Variants in WDR38 observed in about 807,000 individuals in gnomAD.
WDR38 encodes WD repeat-containing protein 38.
Under a neutral mutation model 36.6 loss-of-function variants are expected in WDR38, and 37 were observed. The observed-to-expected ratio is 1.01, with a 90% CI of 0.78 to 1.33. The LOEUF (loss-of-function observed/expected upper bound fraction) is 1.33, where lower values mean the gene tolerates loss of function less well. WDR38 is among the 40% of genes most tolerant of loss of function. WDR38 has a pLI of 0.00. For synonymous variants in WDR38, 164 were observed against 168.1 expected (o/e 0.98, Z 0.19); for missense variants, 411 against 414.6 (o/e 0.99, Z 0.07).
chr9:124,856,815 C>G lies in WDR38; in HGVS notation c.702C>G (p.Thr234=). The G allele has an allele frequency of 6.2e-7, 1 of 1,614,246 alleles. No individual in the cohort carries two copies. The highest frequency in any genetic ancestry group is 8.5e-7 in the Non-Finnish European group (1 of 1,180,046). ...TTATCCAACTGAAGGGCCATGTCACCTGGGTGAAGAGCATAGCCTTCTCTC... is the reference window on the plus strand; with the variant it reads ...TTATCCAACTGAAGGGCCATGTCACGTGGGTGAAGAGCATAGCCTTCTCTC... The part of the protein sequence containing the change: ...SLLIQLKGHV[T]WVKSIAFSPD... Residue 234 remains threonine, a synonymous_variant, in exon 7 of 9, where the codon ACC becomes ACG. Transcript: ENST00000373574.
intron 7 of WDR38, 76 bp downstream of exon 7, chr9:124,856,957 A>T: frequency 1.9e-6 from 3 of 1,592,360 alleles, no homozygotes; most frequent in Non-Finnish European, 2.6e-6. Context: ...TCACTCCAGA[A>T]ATGCCCACAT....
At position 124,855,637 on chromosome 9, in the gene WDR38, C is replaced by T. The variant is rs1471040412; in HGVS notation, c.194C>T (p.Pro65Leu). ...CTGACTGTGGCCACCCGCCCAGGCC[C>T]CGTGAAGTTCTGCCGCTTCTCCCCT... Reference protein sequence around the residue: ...LLWRLGGHTGPVKFCRFSPDG... With the variant: ...LLWRLGGHTGLVKFCRFSPDG... Residue 65 changes from proline to leucine, a missense_variant, in exon 3 of 9, where the codon CCC (proline) becomes CTC (leucine). Pro to Leu is a moderately conservative substitution (Grantham distance 98, BLOSUM62 -3). Coordinates refer to ENST00000373574, the MANE Select transcript of WDR38 (RefSeq NM_001045476.3). The T allele has an allele frequency of 6.2e-6, 10 of 1,609,432 alleles. No individual in the cohort carries two copies. Among genetic ancestry groups the T allele is most frequent in the East Asian group, 4.5e-5 (2 of 44,904 alleles).
intron 4 of WDR38, 62 bp downstream of exon 4, chr9:124,856,020 A>C: frequency 6.2e-7 from 1 of 1,601,762 alleles, no homozygotes; most frequent in Non-Finnish European, 8.5e-7. Flanking sequence ...AGAGGATGTC[A>C]CCAGTCTTGC....
Position 124,853,565 on chromosome 9 carries a change from C to G in WDR38, c.34C>G (p.Arg12Gly). The part of the protein sequence containing the change: ...NSGVPATLAV[R>G]RVKFFGQHGG... Reference sequence around the variant, plus strand: ...CGGGGTCCCGGCCACGCTGGCCGTGCGGAGAGTGAAATTCTTCGGCCAGCA... The same window carrying G: ...CGGGGTCCCGGCCACGCTGGCCGTGGGGAGAGTGAAATTCTTCGGCCAGCA... The change falls in exon 1 of 9, where the codon CGG becomes GGG. Residue 12 changes from arginine to glycine, a missense_variant. Coordinates refer to ENST00000373574, the MANE Select transcript of WDR38 (RefSeq NM_001045476.3). The G allele has an allele frequency of 1.6e-6, 2 of 1,258,334 alleles. No individual in the cohort carries two copies. The highest frequency in any genetic ancestry group is 2.0e-6 in the Non-Finnish European group (2 of 994,052). The allele number at this position is 1,258,334 out of a possible 1,614,324, so 77.9% of individuals were successfully genotyped here.
intron 2 of WDR38, among the ~76,000 whole-genome samples, chr9:124,855,286 G>C (rs1829018016): frequency 6.6e-6 from 1 of 152,158 alleles, no homozygotes; most frequent in Non-Finnish European, 1.5e-5. Flanking sequence ...CAGGAGACAA[G>C]AAAAAATATC....
intron 2 of WDR38, among the ~76,000 whole-genome samples, chr9:124,855,387 T>C (rs1480503215): frequency 6.6e-6 from 1 of 152,156 alleles, no homozygotes; most frequent in African/African-American, 2.4e-5. Context: ...CAGCGGTTGT[T>C]AGGGCAAGTT....
chr9:124,856,612 G>A lies in WDR38; in HGVS notation c.618+12G>A. 1.2e-6 allele frequency: 2 copies of A among 1,613,618 alleles called. No individual in the cohort carries two copies. Among genetic ancestry groups the A allele is most frequent in the Admixed American group, 1.7e-5 (1 of 60,004 alleles). ...CATCCGGCCTCCTGGTAAGTGGGGT[G>A]TCCTGGGTTCCAGGCTGGTCCCTTG... On this transcript the variant is annotated intron_variant, in intron 6 of 8. Coordinates refer to ENST00000373574, the MANE Select transcript of WDR38 (RefSeq NM_001045476.3).
chr9:124,857,574 C>T lies in WDR38; in HGVS notation c.889C>T (p.Gln297Ter). The change falls in exon 9 of 9, where the codon CAG (glutamine) becomes TAG (stop). Residue 297 changes from glutamine (Q) to a stop codon, truncating the protein, a stop_gained. Coordinates refer to ENST00000373574, the MANE Select transcript of WDR38 (RefSeq NM_001045476.3). LOFTEE classifies it low-confidence loss of function (END_TRUNC). ...AATCTTAGTGTCTGGAGCTGCCGAT[C>T]AGACTAGACGTCAAATATCCCGCAC... The part of the protein sequence containing the change: ...GKILVSGAAD[Q>*]TRRQISRTSK... 1 of 1,614,222 alleles carries T rather than the reference C, an allele frequency of 6.2e-7. No individual in the cohort carries two copies. The highest frequency in any genetic ancestry group is 8.5e-7 in the Non-Finnish European group (1 of 1,180,042).
rs1385385540 is a variant in WDR38, at chr9:124,856,144, C to A, written c.406-96C>A. 3.8e-6 allele frequency: 6 copies of A among 1,580,334 alleles called. No individual in the cohort carries two copies. The African/African-American group carries it at 6.7e-5, about 18-fold the overall frequency. The stretch of plus-strand genomic sequence containing the variant: ...CCAGGCTTCCTTGCACACAGCAGCC[C>A]TCAGGCTTTTTGCACGAGGTCCCCC... On this transcript the variant is annotated intron_variant, in intron 4 of 8. Transcript: ENST00000373574.
chr9:124,857,353 T>C lies in WDR38; in HGVS notation c.769-11T>C, dbSNP rs1469726467. The C allele has an allele frequency of 1.3e-6, 2 of 1,567,630 alleles. No homozygotes were observed. The highest frequency in any genetic ancestry group is 2.2e-5 in the East Asian group (1 of 44,472). On this transcript the variant is annotated splice_polypyrimidine_tract_variant and intron_variant, in intron 7 of 8. Transcript: ENST00000373574. ...GGTGAGGCTTCCTGACATGCCCCCC[T>C]CCTTTTCCAGGTCAAAGTCTGGGAC... is the stretch of plus-strand genomic sequence containing the variant.
chr9:124,856,142 C>A, intron 4 of WDR38, 98 bp from the exon 5 acceptor site: 2 of 1,570,344 alleles, frequency 1.3e-6, no homozygotes, highest in Admixed American at 1.7e-5. Flanking sequence ...CACACAGCAG[C>A]CCTCAGGCTT....
rs1204215503 is a variant in WDR38 at position 124,855,857 on chromosome 9, G to A, written c.308-4G>A. 1.2e-6 allele frequency: 2 copies of A among 1,614,130 alleles called. No homozygotes were observed. The highest frequency in any genetic ancestry group is 1.1e-5 in the South Asian group (1 of 91,090). ...CTTCCCCGACCCCGGGCTGGTGCCT[G>A]CAGGTCACCAACGGAGTGTGGAGAC... On this transcript the variant is annotated splice_polypyrimidine_tract_variant and splice_region_variant and intron_variant, in intron 3 of 8. Coordinates refer to ENST00000373574, the MANE Select transcript of WDR38 (RefSeq NM_001045476.3).
intron 7 of WDR38, 97 bp from the exon 8 acceptor site, chr9:124,857,267 G>C (rs1161528644): frequency 6.6e-7 from 1 of 1,503,856 alleles, no homozygotes; most frequent in Non-Finnish European, 9.2e-7. Flanking sequence ...TTCAGGCGAA[G>C]ACTCATCTCA....
In WDR38 at chr9:124,857,388, G is replaced by GA. The variant is rs770274642; in HGVS notation, c.793_794insA (p.Gly265GlufsTer5). ...GGTCAAAGTCTGGGACTGCAACACAGGAAAGTGCCTTGAGACCCTGAAGGT... is the reference window on the plus strand; with the variant it reads ...GGTCAAAGTCTGGGACTGCAACACAGAGAAAGTGCCTTGAGACCCTGAAGGT... On this transcript the variant is annotated frameshift_variant, in exon 8 of 9. Coordinates refer to ENST00000373574, the MANE Select transcript of WDR38 (RefSeq NM_001045476.3). LOFTEE classifies it low-confidence loss of function (END_TRUNC). 3.1e-6 allele frequency: 5 copies of GA among 1,614,118 alleles called. No individual in the cohort carries two copies. The highest frequency in any genetic ancestry group is 4.2e-6 in the Non-Finnish European group (5 of 1,180,014).
Position 124,857,638 on chromosome 9 carries a change from C to T in WDR38, c.*8C>T. 1 of 1,613,834 alleles carries T rather than the reference C, an allele frequency of 6.2e-7. No individual in the cohort carries two copies. Among genetic ancestry groups the T allele is most frequent in the Non-Finnish European group, 8.5e-7 (1 of 1,180,002 alleles). On this transcript the variant is annotated 3_prime_UTR_variant, in exon 9 of 9. Transcript: ENST00000373574. ...AGGGACCCTCAAACCTAACACCAAC[C>T]ACCTTAGATGGTGCCGACCTCACCC...
Position 124,857,795 on chromosome 9 carries a change from G to A in WDR38, c.*165G>A. On this transcript the variant is annotated 3_prime_UTR_variant, in exon 9 of 9. Transcript: ENST00000373574. The stretch of plus-strand genomic sequence containing the variant: ...AGCAGACAACTGTGGTGGGCAGGAC[G>A]CTTGCTGGAACCCATCAGACACCTG... The A allele has an allele frequency of 5.3e-6, 8 of 1,507,784 alleles. No individual in the cohort carries two copies. The highest frequency in any genetic ancestry group is 1.4e-5 in the African/African-American group (1 of 72,812). The allele number at this position is 1,507,784 out of a possible 1,614,324, so 93.4% of individuals were successfully genotyped here. A position where few individuals can be genotyped will look rare whatever the true frequency, so the allele number is the denominator to read the frequency against.
chr9:124,854,689 G>A (rs899238739), intron 2 of WDR38, among the ~76,000 whole-genome samples: 86 of 152,128 alleles, frequency 5.7e-4, no homozygotes, highest in East Asian at 7.7e-4. Flanking sequence ...TCAGCCTCTC[G>A]AGTAGCTGGA....
rs372187315 is a variant in WDR38, at chr9:124,855,683, C to T, written c.240C>T (p.Ser80=). The change falls in exon 3 of 9, where the codon AGC becomes AGT. Residue 80 remains serine (S), a synonymous_variant. Transcript: ENST00000373574. ...CCCCTGATGGCCACCTCTTCGCCAG[C>T]GCCTCCTGTGACTGCACTGTCCGCC... ...RFSPDGHLFA[S]ASCDCTVRLW... is the part of the protein sequence containing the mutation. 10 of 1,613,084 alleles carry T rather than the reference C, an allele frequency of 6.2e-6. No homozygotes were observed. The highest frequency in any genetic ancestry group is 1.7e-5 in the Admixed American group (1 of 60,026).
At position 124,857,519 on chromosome 9, in the gene WDR38, C is replaced by T; in HGVS notation, c.834C>T (p.Ala278=). The change falls in exon 9 of 9, where the codon GCC becomes GCT. Residue 278 remains alanine (A), a synonymous_variant. Transcript: ENST00000373574. ...LETLKGVLDV[A]HTCAFTPDGK... ...CTTAGCAGGGAGTCCTGGATGTGGC[C>T]CACACCTGTGCCTTCACCCCAGATG... 6.2e-7 allele frequency: 1 copy of T among 1,614,106 alleles called. No homozygotes were observed. The highest frequency in any genetic ancestry group is 8.5e-7 in the Non-Finnish European group (1 of 1,180,004).
Sources: allele counts gnomAD v4.1 joint callset (sites outside exome capture counted in the v4.1 genomes callset), GRCh38; gene constraint gnomAD v4.1.1; transcripts MANE v1.5; gene names NCBI Gene and HGNC (gene_info 2026-07-23, HGNC 2026-07-21).